ANO3: variants seen among roughly 807,000 people sequenced by gnomAD.
ANO3 encodes the protein anoctamin-3.
ANO3 carries 99 observed loss-of-function variants against 144.8 expected under a neutral mutation model. That is an observed-to-expected ratio of 0.68 (90% CI 0.58 to 0.81). The LOEUF is 0.81. Ranked by LOEUF, ANO3 falls within the 30% of genes least tolerant of loss-of-function variation. The probability of loss-of-function intolerance (pLI) is 0.00; values close to 1 mark genes in which losing one functional copy is unlikely to be tolerated. For synonymous variants in ANO3, 414 were observed against 392.6 expected (o/e 1.05, Z -0.64); for missense variants, 905 against 1,202.2 (o/e 0.75, Z 3.66).
At chr11:26,269,649 G>A (rs1853398097) in intron 1 of ANO3, among the ~76,000 whole-genome samples, 1 of 152,142 alleles carries the variant, frequency 6.6e-6, no homozygotes, top group Admixed American at 6.6e-5. Context: ...TCAGTGCTCT[G>A]GCTCTCTCAG....
intron 1 of ANO3, among the ~76,000 whole-genome samples, chr11:26,284,836 C>G (rs1450039032): frequency 6.6e-6 from 1 of 152,124 alleles, no homozygotes; most frequent in Non-Finnish European, 1.5e-5. Context: ...ACCTGGGAGG[C>G]GGAGCCTGCA....
intron 1 of ANO3, among the ~76,000 whole-genome samples, chr11:26,379,714 G>C (rs1856532671): frequency 6.6e-6 from 1 of 152,100 alleles, no homozygotes; most frequent in Non-Finnish European, 1.5e-5. Context: ...GATCACTTGA[G>C]CCTGGGAGGT....
At chr11:26,429,124 T>A (rs1357330843) in intron 1 of ANO3, among the ~76,000 whole-genome samples, 1 of 152,014 alleles carries the variant, frequency 6.6e-6, no homozygotes, top group Non-Finnish European at 1.5e-5. Flanking sequence ...TTGAGAAGTG[T>A]TTTTCTGGAG....
chr11:26,357,319 T>G lies in ANO3; in HGVS notation c.46+24998T>G, dbSNP rs554705420. Among the ~76,000 whole-genome samples, 3 of 152,320 alleles carry G rather than the reference T, an allele frequency of 2.0e-5. No homozygotes were observed. The East Asian group carries it at 5.8e-4, about 29-fold the overall frequency. The stretch of plus-strand genomic sequence containing the variant: ...GTGTCAGACTTATTTTCAACATGGT[T>G]TTCTCAATTTTCATTCTAACAGTAA... On this transcript the variant is annotated intron_variant, in intron 1 of 26. Transcript: ENST00000256737.
At chr11:26,454,958 G>A (rs7480059) in intron 3 of ANO3, among the ~76,000 whole-genome samples, 121,860 of 132,540 alleles carry the variant, frequency 0.92, 56,104 homozygotes, top group East Asian at 0.98. Flanking sequence ...TATAAACAGA[G>A]CCAAAGACAA....
intron 1 of ANO3, among the ~76,000 whole-genome samples, chr11:26,380,250 T>C (rs1354108590): frequency 1.3e-5 from 2 of 152,214 alleles, no homozygotes; most frequent in African/African-American, 4.8e-5. Context: ...CTAGTTATTA[T>C]TCTTATTTTG....
chr11:26,375,658 T>C (rs1474329845), intron 1 of ANO3, among the ~76,000 whole-genome samples: 1 of 152,226 alleles, frequency 6.6e-6, no homozygotes, highest in Non-Finnish European at 1.5e-5. Context: ...CATGTTTTTA[T>C]GCCCAAGTAG....
chr11:26,283,444 A>C (rs35215165), intron 1 of ANO3, among the ~76,000 whole-genome samples: 1 of 146,832 alleles, frequency 6.8e-6, no homozygotes, highest in Non-Finnish European at 1.5e-5. Context: ...CTTCACTGCA[A>C]ATCTGCTCTC....
chr11:26,514,531 G>C (rs1423886675), intron 5 of ANO3, among the ~76,000 whole-genome samples: 2 of 152,012 alleles, frequency 1.3e-5, no homozygotes, highest in Admixed American at 1.3e-4. Flanking sequence ...GCTAGTAAAT[G>C]GTAGAGATGG....
chr11:26,615,710 C>T (rs530887943), intron 17 of ANO3, among the ~76,000 whole-genome samples: 1 of 152,230 alleles, frequency 6.6e-6, no homozygotes, highest in East Asian at 1.9e-4. Flanking sequence ...ACTACCTATA[C>T]TCATATTTCT....
At chr11:26,516,679 T>G in intron 5 of ANO3, 148 bp from the exon 6 acceptor site, 1 of 485,388 alleles carries the variant, frequency 2.1e-6, no homozygotes, top group Middle Eastern at 2.9e-4. Flanking sequence ...CATTAAGATT[T>G]TTTTTATCCA....
At chr11:26,289,064 T>G (rs1303321728) in intron 1 of ANO3, among the ~76,000 whole-genome samples, 1 of 152,184 alleles carries the variant, frequency 6.6e-6, no homozygotes, top group Non-Finnish European at 1.5e-5. Context: ...GCCTAGGCCT[T>G]AGGAATATGG....
chr11:26,610,718 GTTGTTTT>G lies in ANO3; in HGVS notation c.1836+11020_1836+11026del, dbSNP rs1164312086. ...ATTTTTGTATGTAGTGAAAGATAGT[GTTGTTTT>G]TTGTTTTTTGTTTTTGCACATAGGT... is the stretch of plus-strand genomic sequence containing the variant. On this transcript the variant is annotated intron_variant, in intron 17 of 26. Transcript: ENST00000256737. Among the ~76,000 whole-genome samples the G allele has an allele frequency of 5.9e-5, 9 of 152,194 alleles. No homozygotes were observed. The South Asian group carries it at 1.0e-3, about 18-fold the overall frequency.
At position 26,660,676 on chromosome 11, in the gene ANO3, G is replaced by A. The variant is rs1418702009; in HGVS notation, c.*232G>A. On this transcript the variant is annotated 3_prime_UTR_variant, in exon 27 of 27. Transcript: ENST00000256737. ...TTAGATTGACATTGCAGGAAGCCAG[G>A]ATGTAATTCTCAGAACCAGTCTCAG... 1 of 444,950 alleles carries A rather than the reference G, an allele frequency of 2.2e-6. No homozygotes were observed. The highest frequency in any genetic ancestry group is 4.0e-5 in the East Asian group (1 of 25,066). The allele number at this position is 444,950 out of a possible 1,614,324, so 27.6% of individuals were successfully genotyped here.
chr11:26,296,988 C>T (rs1399171889), intron 1 of ANO3, among the ~76,000 whole-genome samples: 1 of 152,068 alleles, frequency 6.6e-6, no homozygotes, highest in African/African-American at 2.4e-5. Flanking sequence ...CACTTGAGTA[C>T]CTCTAGAGAC....
At chr11:26,423,811 C>T (rs1857831667) in intron 1 of ANO3, among the ~76,000 whole-genome samples, 2 of 151,754 alleles carry the variant, frequency 1.3e-5, no homozygotes, top group African/African-American at 2.4e-5. Flanking sequence ...GGATAGGGTA[C>T]GTGAGGAACT....
chr11:26,465,959 T>A (rs968854697), intron 4 of ANO3, among the ~76,000 whole-genome samples: 1 of 151,980 alleles, frequency 6.6e-6, no homozygotes, highest in African/African-American at 2.4e-5. Flanking sequence ...TTAGAATATC[T>A]TGCTTCAAAT....
chr11:26,520,582 T>G (rs1365453712), intron 6 of ANO3, among the ~76,000 whole-genome samples: 1 of 152,156 alleles, frequency 6.6e-6, no homozygotes, highest in African/African-American at 2.4e-5. Flanking sequence ...GTCAAAGTAT[T>G]AGTAGTTCAA....
chr11:26,475,087 T>TA (rs1423650630), intron 4 of ANO3, among the ~76,000 whole-genome samples: 1 of 151,876 alleles, frequency 6.6e-6, no homozygotes, highest in Non-Finnish European at 1.5e-5. Context: ...AAATAAAAAG[T>TA]AAAAATTGGT....
Sources: allele counts gnomAD v4.1 joint callset (sites outside exome capture counted in the v4.1 genomes callset), GRCh38; gene constraint gnomAD v4.1.1; transcripts MANE v1.5; gene names NCBI Gene and HGNC (gene_info 2026-07-23, HGNC 2026-07-21).